The following CTNND2 variants were observed in gnomAD, a reference collection of about 807,000 sequenced individuals.
CTNND2 encodes catenin delta-2.
Under a neutral mutation model 144.4 loss-of-function variants are expected in CTNND2, and 22 were observed. That is an observed-to-expected ratio of 0.15 (90% CI 0.11 to 0.22). The LOEUF is 0.22. Among genes scored for constraint, CTNND2 ranks in the 10% least tolerant of loss-of-function variants. The pLI is 1.00. For synonymous variants in CTNND2, 751 were observed against 695.6 expected (o/e 1.08, Z -1.25); for missense variants, 1,353 against 1,618.8 (o/e 0.84, Z 2.82).
intron 1 of CTNND2, among the ~76,000 whole-genome samples, chr5:11,805,205 G>C (rs901316218): frequency 6.6e-6 from 1 of 152,184 alleles, no homozygotes; most frequent in Non-Finnish European, 1.5e-5. Context: ...GGAGGTAACA[G>C]ACTAGAGTTG....
chr5:11,732,772 G>C (rs1031615445), intron 1 of CTNND2, among the ~76,000 whole-genome samples: 1 of 152,042 alleles, frequency 6.6e-6, no homozygotes, highest in Non-Finnish European at 1.5e-5. Flanking sequence ...TCAGGAGCAG[G>C]CCTCAGAAAG....
At chr5:11,137,807 A>T (rs1212518797) in intron 12 of CTNND2, among the ~76,000 whole-genome samples, 1 of 152,212 alleles carries the variant, frequency 6.6e-6, no homozygotes, top group African/African-American at 2.4e-5. Context: ...TTAGGTATCC[A>T]TCTGGATATG....
chr5:11,311,749 TCACA>T (rs1304634215), intron 9 of CTNND2, among the ~76,000 whole-genome samples: 1 of 117,276 alleles, frequency 8.5e-6, no homozygotes, highest in Non-Finnish European at 1.7e-5. Flanking sequence ...GCCCATATGC[TCACA>T]CACTCACTCT....
intron 3 of CTNND2, among the ~76,000 whole-genome samples, chr5:11,539,756 G>A (rs1373394818): frequency 6.6e-6 from 1 of 152,206 alleles, no homozygotes; most frequent in Non-Finnish European, 1.5e-5. Context: ...ATTGTGGGCC[G>A]GGTGTGATGG....
intron 1 of CTNND2, among the ~76,000 whole-genome samples, chr5:11,805,755 C>G (rs1791958276): frequency 6.6e-6 from 1 of 152,092 alleles, no homozygotes; most frequent in Non-Finnish European, 1.5e-5. Flanking sequence ...CCACGTAACT[C>G]ACATAGAACA....
intron 1 of CTNND2, among the ~76,000 whole-genome samples, chr5:11,876,767 A>C (rs1250830322): frequency 6.6e-6 from 1 of 152,348 alleles, no homozygotes; most frequent in African/African-American, 2.4e-5. Context: ...ATTGGCATTG[A>C]GTTATAAACA....
rs147820340 is a variant in CTNND2 at position 11,356,754 on chromosome 5, C to A, written c.1372+7942G>T. Among the ~76,000 whole-genome samples, 19 of 150,784 alleles carry A rather than the reference C, an allele frequency of 1.3e-4. No homozygotes were observed. In the East Asian group the frequency reaches 1.7e-3, roughly 14 times the overall value. ...GACTGAGAAGACAATCTATAGAATG[C>A]GAGAAGATATTTAAAAATGATACAT... On this transcript the variant is annotated intron_variant, in intron 8 of 21. Transcript: ENST00000304623.
chr5:11,310,714 T>C (rs1750705143), intron 9 of CTNND2, among the ~76,000 whole-genome samples: 1 of 151,642 alleles, frequency 6.6e-6, no homozygotes, highest in South Asian at 2.1e-4. Flanking sequence ...ATGTTCCTCC[T>C]CCCTGTGAGA....
chr5:11,237,326 T>C (rs901603295), intron 9 of CTNND2, among the ~76,000 whole-genome samples: 1 of 151,974 alleles, frequency 6.6e-6, no homozygotes, highest in African/African-American at 2.4e-5. Context: ...GCCTAGTAAA[T>C]AGTTTTCAAG....
intron 1 of CTNND2, among the ~76,000 whole-genome samples, chr5:11,842,231 A>AGGGGAGGCAGCAATTCTG (rs1431219319): frequency 6.6e-6 from 1 of 152,174 alleles, no homozygotes; most frequent in Non-Finnish European, 1.5e-5. Flanking sequence ...GGATCACTTA[A>AGGGGAGGCAGCAATTCTG]GGGGAGGCAG....
rs377353138 is a variant in CTNND2, at chr5:11,396,075, A to G, written c.612+956T>C. Among the ~76,000 whole-genome samples the G allele has an allele frequency of 2.4e-3, 367 of 152,312 alleles. 2 individuals carry two copies. Among genetic ancestry groups the G allele is most frequent in the African/African-American group, 8.5e-3 (352 of 41,548 alleles). On this transcript the variant is annotated intron_variant, in intron 6 of 21. Coordinates refer to ENST00000304623, the MANE Select transcript of CTNND2 (RefSeq NM_001332.4). Reference sequence around the variant, plus strand: ...ACAGAGCCAGTGGTGCATAGTGAGCATTTCAGAGGAAGGGTTCCTGGAAGA... The same window carrying G: ...ACAGAGCCAGTGGTGCATAGTGAGCGTTTCAGAGGAAGGGTTCCTGGAAGA...
intron 2 of CTNND2, among the ~76,000 whole-genome samples, chr5:11,635,749 C>T (rs892692019): frequency 3.9e-5 from 6 of 152,094 alleles, no homozygotes; most frequent in African/African-American, 7.2e-5. Flanking sequence ...ATGGGCTATT[C>T]TTTAACCCCT....
chr5:11,399,293 C>T (rs1403999598), intron 5 of CTNND2, among the ~76,000 whole-genome samples: 3 of 152,088 alleles, frequency 2.0e-5, no homozygotes, highest in Admixed American at 6.5e-5. Flanking sequence ...GCAGATACAA[C>T]GACAGTGCAC....
intron 1 of CTNND2, among the ~76,000 whole-genome samples, chr5:11,801,180 T>A (rs1172271048): frequency 1.3e-5 from 2 of 152,226 alleles, no homozygotes; most frequent in African/African-American, 4.8e-5. Flanking sequence ...TGGCAAAATG[T>A]CTTGTTAGCT....
chr5:11,333,871 G>A (rs1753456723), intron 9 of CTNND2, among the ~76,000 whole-genome samples: 1 of 152,116 alleles, frequency 6.6e-6, no homozygotes, highest in African/African-American at 2.4e-5. Flanking sequence ...CACCCCTATG[G>A]CATCCTACTG....
At chr5:11,603,926 C>T (rs1181819128) in intron 2 of CTNND2, among the ~76,000 whole-genome samples, 1 of 152,136 alleles carries the variant, frequency 6.6e-6, no homozygotes, top group African/African-American at 2.4e-5. Flanking sequence ...CTCTTTTAAA[C>T]AAATCAGCAT....
intron 3 of CTNND2, among the ~76,000 whole-genome samples, chr5:11,425,685 C>A (rs1762720366): frequency 6.6e-6 from 1 of 152,288 alleles, no homozygotes; most frequent in Admixed American, 6.5e-5. Flanking sequence ...CCAATCTATC[C>A]ATTTTCCACT....
At chr5:11,282,660 T>C (rs1284219890) in intron 9 of CTNND2, among the ~76,000 whole-genome samples, 2 of 152,198 alleles carry the variant, frequency 1.3e-5, no homozygotes, top group South Asian at 2.1e-4. Context: ...AGGGTATGAT[T>C]TACATATCTT....
intron 3 of CTNND2, among the ~76,000 whole-genome samples, chr5:11,478,100 A>G (rs138476376): frequency 6.6e-6 from 1 of 152,220 alleles, no homozygotes; most frequent in Non-Finnish European, 1.5e-5. Context: ...TTATCTACTA[A>G]TACTAGACTC....
Sources: allele counts gnomAD v4.1 joint callset (sites outside exome capture counted in the v4.1 genomes callset), GRCh38; gene constraint gnomAD v4.1.1; transcripts MANE v1.5; gene names NCBI Gene and HGNC (gene_info 2026-07-23, HGNC 2026-07-21).